PTK2: variants seen among roughly 807,000 people sequenced by gnomAD.
The protein encoded by PTK2 is protein tyrosine kinase 2, also known as focal adhesion kinase 1.
A neutral mutation model predicts 150.1 loss-of-function variants in PTK2; 45 were observed. That is an observed-to-expected ratio of 0.30 (90% CI 0.24 to 0.38). The LOEUF is 0.38. Among genes scored for constraint, PTK2 ranks in the 10% least tolerant of loss-of-function variants. The pLI is 1.00. For synonymous variants in PTK2, 432 were observed against 449.2 expected, an observed-to-expected ratio of 0.96 and a Z score of 0.48; for missense variants, 919 against 1,307.3, an observed-to-expected ratio of 0.70 and a Z score of 4.58.
exon 1 of PTK2, chr8:141,001,127 G>C (rs948903479): frequency 6.6e-6 from 1 of 151,448 alleles, no homozygotes; most frequent in African/African-American, 2.4e-5. Flanking sequence ...GCACTCACTC[G>C]GACCGCGGCT....
At chr8:140,880,440 G>C (rs1009284630) in intron 3 of PTK2, among the ~76,000 whole-genome samples, 2 of 152,160 alleles carry the variant, frequency 1.3e-5, no homozygotes, top group Admixed American at 6.5e-5. Flanking sequence ...TAAGTGGGCA[G>C]CATGTATGGA....
intron 10 of PTK2, among the ~76,000 whole-genome samples, chr8:140,810,348 G>A (rs367745707): frequency 5.4e-4 from 83 of 152,324 alleles, no homozygotes; most frequent in African/African-American, 1.9e-3. Flanking sequence ...CCTGAACTCT[G>A]CAGGGTGGGC....
At chr8:140,872,050 A>G (rs1599741094) in intron 4 of PTK2, among the ~76,000 whole-genome samples, 1 of 152,186 alleles carries the variant, frequency 6.6e-6, no homozygotes, top group South Asian at 2.1e-4. Context: ...CTACTAAAAT[A>G]CAAAAAATTA....
At chr8:140,890,316 G>T in intron 3 of PTK2, 12 of 403,226 alleles carry the variant, frequency 3.0e-5, no homozygotes, top group Non-Finnish European at 4.3e-5. Flanking sequence ...GGTATTTTAT[G>T]ACTAAAATAT....
chr8:140,991,633 T>G (rs1336734703), intron 1 of PTK2, among the ~76,000 whole-genome samples: 1 of 152,200 alleles, frequency 6.6e-6, no homozygotes, highest in African/African-American at 2.4e-5. Context: ...TTGCCTCCTA[T>G]GACTTGCATT....
chr8:140,811,908 G>C (rs993717381), intron 10 of PTK2, among the ~76,000 whole-genome samples: 7 of 152,144 alleles, frequency 4.6e-5, no homozygotes, highest in African/African-American at 1.7e-4. Context: ...GTGAAATACG[G>C]GATTATGTAA....
chr8:140,927,973 A>T (rs865888032), intron 1 of PTK2, among the ~76,000 whole-genome samples: 1,144 of 72,700 alleles, frequency 0.016, 8 homozygotes, highest in African/African-American at 0.038. Context: ...AAAAAAAAAA[A>T]AAATATATAT....
At chr8:140,890,898 G>A (rs1394623502) in intron 2 of PTK2, 129 bp from the exon 3 acceptor site, 2 of 755,488 alleles carry the variant, frequency 2.6e-6, no homozygotes, top group East Asian at 2.7e-5. Context: ...AGTCTGAGGA[G>A]AATAGAGACC....
At chr8:140,803,738 C>T (rs559205231) in intron 10 of PTK2, 88 bp from the exon 11 acceptor site, 4 of 1,207,706 alleles carry the variant, frequency 3.3e-6, no homozygotes, top group African/African-American at 3.0e-5. Context: ...TCCTCGTTGT[C>T]CTGAAGACAT....
chr8:140,950,468 G>A (rs757218692), intron 1 of PTK2, among the ~76,000 whole-genome samples: 6 of 152,226 alleles, frequency 3.9e-5, no homozygotes, highest in South Asian at 4.1e-4. Flanking sequence ...TGCCCACCCC[G>A]CTACAGCAGC....
chr8:140,807,306 T>G (rs1382388199), intron 10 of PTK2, among the ~76,000 whole-genome samples: 1 of 152,064 alleles, frequency 6.6e-6, no homozygotes, highest in Non-Finnish European at 1.5e-5. Context: ...AAATAAAGCC[T>G]CAGAAAAAGT....
intron 24 of PTK2, among the ~76,000 whole-genome samples, chr8:140,705,698 G>A (rs1280048011): frequency 6.6e-6 from 1 of 152,200 alleles, no homozygotes; most frequent in Non-Finnish European, 1.5e-5. Context: ...ATTTGCACAG[G>A]ATATCTATCT....
intron 27 of PTK2, among the ~76,000 whole-genome samples, chr8:140,676,725 AGACCAT>A (rs1185452929): frequency 1.4e-4 from 18 of 133,022 alleles, no homozygotes; most frequent in African/African-American, 5.0e-4. Context: ...CAGGAGGTTG[AGACCAT>A]CCTGGCTAAC....
chr8:140,699,781 A>T (rs574731752), intron 26 of PTK2, among the ~76,000 whole-genome samples: 20 of 152,332 alleles, frequency 1.3e-4, no homozygotes, highest in Admixed American at 7.8e-4. Flanking sequence ...AAAGATAATT[A>T]AAAAAGCAAA....
At chr8:140,937,621 T>C (rs1409436298) in intron 1 of PTK2, among the ~76,000 whole-genome samples, 1 of 151,626 alleles carries the variant, frequency 6.6e-6, no homozygotes, top group Non-Finnish European at 1.5e-5. Context: ...AAATCTGATT[T>C]AATCTAACAA....
rs144327420 is a variant in PTK2, at chr8:140,845,771, G to A, written c.593+489C>T. ...AAGTATAGGGTTTCTAGCCTCCCAC[G>A]ACATAAACTCCACGTTGGGTTAATT... On this transcript the variant is annotated intron_variant, in intron 7 of 31. Transcript: ENST00000522684. 4.3e-3 allele frequency among the ~76,000 whole-genome samples: 658 copies of A among 152,202 alleles called. 3 individuals are homozygous for A. Among genetic ancestry groups the A allele is most frequent in the African/African-American group, 0.015 (622 of 41,514 alleles).
At chr8:141,001,790 A>C (rs1243139875), upstream of PTK2, among the ~76,000 whole-genome samples, 1 of 152,192 alleles carries the variant, frequency 6.6e-6, no homozygotes, top group Non-Finnish European at 1.5e-5. Context: ...TCCAGGCACC[A>C]CACCGACCCT....
At chr8:140,896,634 G>A (rs943482019) in intron 2 of PTK2, among the ~76,000 whole-genome samples, 2 of 152,134 alleles carry the variant, frequency 1.3e-5, no homozygotes, top group African/African-American at 4.8e-5. Flanking sequence ...CTGACAAAGA[G>A]TATCTACATG....
intron 1 of PTK2, among the ~76,000 whole-genome samples, chr8:140,962,687 C>T (rs1469136794): frequency 2.6e-5 from 4 of 151,900 alleles, no homozygotes; most frequent in African/African-American, 4.8e-5. Context: ...GAGGCTGAGG[C>T]AGAGAATGGC....
Sources: gnomAD v4.1 joint callset for allele counts (sites outside exome capture counted in the v4.1 genomes callset) on GRCh38, gnomAD v4.1.1 for gene constraint, MANE v1.5 for transcripts, NCBI Gene and HGNC (gene_info 2026-07-23, HGNC 2026-07-21) for gene names.